The following RSPO3 variants were observed in gnomAD, a reference collection of about 807,000 sequenced individuals.
RSPO3 encodes the protein R-spondin 3.
A neutral mutation model predicts 36.5 loss-of-function variants in RSPO3; 17 were observed. The ratio of observed to expected loss-of-function variants is 0.47; its 90% CI spans 0.32 to 0.70. The LOEUF (loss-of-function observed/expected upper bound fraction) is 0.70, where lower values mean the gene tolerates loss of function less well. Among genes scored for constraint, RSPO3 ranks in the 30% least tolerant of loss-of-function variants. The pLI is 0.04. For missense variants in RSPO3, 294 were observed against 322.5 expected, an observed-to-expected ratio of 0.91 and a Z score of 0.68; for synonymous variants, 108 against 107.0, an observed-to-expected ratio of 1.01 and a Z score of -0.06.
intron 4 of RSPO3, among the ~76,000 whole-genome samples, chr6:127,172,657 A>G (rs1774963383): frequency 6.6e-6 from 1 of 151,840 alleles, no homozygotes; most frequent in African/African-American, 2.4e-5. Context: ...ATATTAACAT[A>G]GATTCTTTCT....
intron 1 of RSPO3, among the ~76,000 whole-genome samples, chr6:127,133,593 A>G (rs1305867406): frequency 2.0e-5 from 3 of 152,126 alleles, no homozygotes; most frequent in Non-Finnish European, 1.5e-5. Flanking sequence ...TCATTTTTGT[A>G]GCATGCTCTA....
At chr6:127,127,224 C>T (rs577979448) in intron 1 of RSPO3, among the ~76,000 whole-genome samples, 6 of 152,100 alleles carry the variant, frequency 3.9e-5, no homozygotes, top group East Asian at 1.9e-4. Flanking sequence ...AACATATGCT[C>T]GATAAGTTGG....
intron 1 of RSPO3, among the ~76,000 whole-genome samples, chr6:127,144,358 A>AT (rs1335055306): frequency 6.6e-6 from 1 of 152,094 alleles, no homozygotes; most frequent in Non-Finnish European, 1.5e-5. Context: ...AAAGATCTCT[A>AT]TTTTCACCTC....
chr6:127,125,006 T>G (rs990542811), intron 1 of RSPO3, among the ~76,000 whole-genome samples: 1 of 152,158 alleles, frequency 6.6e-6, no homozygotes, highest in Non-Finnish European at 1.5e-5. Flanking sequence ...TTGAACTGTT[T>G]GAATAATTTT....
At chr6:127,187,997 A>G (rs1197248780) in intron 4 of RSPO3, among the ~76,000 whole-genome samples, 1 of 152,090 alleles carries the variant, frequency 6.6e-6, no homozygotes, top group Admixed American at 6.6e-5. Flanking sequence ...AAGGCATCCT[A>G]GTATGCAATA....
intron 4 of RSPO3, among the ~76,000 whole-genome samples, chr6:127,164,552 G>T (rs1006211706): frequency 7.9e-5 from 12 of 151,656 alleles, no homozygotes; most frequent in Non-Finnish European, 1.8e-4. Context: ...TTTTTTGGGA[G>T]TAAACTGGCT....
At chr6:127,176,147 C>A (rs888201367) in intron 4 of RSPO3, among the ~76,000 whole-genome samples, 3 of 151,662 alleles carry the variant, frequency 2.0e-5, no homozygotes, top group Non-Finnish European at 4.4e-5. Context: ...TTGTCTTCAG[C>A]ATTTCATATT....
At chr6:127,155,109 C>T in intron 3 of RSPO3, 132 bp from the exon 4 acceptor site, 1 of 819,200 alleles carries the variant, frequency 1.2e-6, no homozygotes, top group Non-Finnish European at 2.0e-6. Flanking sequence ...TTTAAGTCAT[C>T]TTGCCCGACT....
intron 4 of RSPO3, among the ~76,000 whole-genome samples, chr6:127,170,130 G>A (rs1774906641): frequency 6.6e-6 from 1 of 151,750 alleles, no homozygotes; most frequent in South Asian, 2.1e-4. Context: ...AGGAAGAGGA[G>A]ACTTTTAGTG....
intron 1 of RSPO3, among the ~76,000 whole-genome samples, chr6:127,145,993 C>T (rs1582793918): frequency 6.6e-6 from 1 of 152,138 alleles, no homozygotes; most frequent in East Asian, 1.9e-4. Context: ...GTAATACTGA[C>T]TGTGTAATTT....
At chr6:127,155,623 G>C (rs964875697) in intron 4 of RSPO3, among the ~76,000 whole-genome samples, 185 bp downstream of exon 4, 2 of 152,070 alleles carry the variant, frequency 1.3e-5, no homozygotes, top group African/African-American at 4.8e-5. Flanking sequence ...TATGGAGCCT[G>C]ATGTCAGAAC....
At chr6:127,128,237 C>G (rs1464966886) in intron 1 of RSPO3, among the ~76,000 whole-genome samples, 1 of 151,970 alleles carries the variant, frequency 6.6e-6, no homozygotes, top group Non-Finnish European at 1.5e-5. Context: ...ATTTATATTA[C>G]TTTTACCATG....
chr6:127,127,475 A>G (rs1348716860), intron 1 of RSPO3, among the ~76,000 whole-genome samples: 2 of 152,168 alleles, frequency 1.3e-5, no homozygotes, highest in Non-Finnish European at 2.9e-5. Context: ...ATATGCATGT[A>G]TACTTACTAA....
At chr6:127,187,480 G>T (rs565380970) in intron 4 of RSPO3, among the ~76,000 whole-genome samples, 21 of 152,106 alleles carry the variant, frequency 1.4e-4, no homozygotes, top group Non-Finnish European at 1.8e-4. Flanking sequence ...GTGCTTAATA[G>T]ATGAAATTTG....
chr6:127,138,806 G>T (rs924370163), intron 1 of RSPO3, among the ~76,000 whole-genome samples: 6 of 152,080 alleles, frequency 3.9e-5, no homozygotes, highest in Admixed American at 1.3e-4. Context: ...AACACTGTGT[G>T]GATGTTGAAT....
chr6:127,191,273 T>C (rs1028143221), intron 4 of RSPO3, among the ~76,000 whole-genome samples: 1 of 152,180 alleles, frequency 6.6e-6, no homozygotes, highest in Non-Finnish European at 1.5e-5. Context: ...TTTGAGAGTA[T>C]ATATTTGAAG....
chr6:127,192,257 C>T (rs1775426374), intron 4 of RSPO3, among the ~76,000 whole-genome samples: 1 of 152,126 alleles, frequency 6.6e-6, no homozygotes, highest in Admixed American at 6.5e-5. Context: ...TTTTATCACA[C>T]ATTTTTGGCA....
chr6:127,134,312 G>T (rs931858630), intron 1 of RSPO3, among the ~76,000 whole-genome samples: 1 of 152,178 alleles, frequency 6.6e-6, no homozygotes, highest in African/African-American at 2.4e-5. Flanking sequence ...CCTTGTAATG[G>T]TGTGGCATAG....
chr6:127,172,557 C>G (rs1433017032), intron 4 of RSPO3, among the ~76,000 whole-genome samples: 5 of 151,654 alleles, frequency 3.3e-5, no homozygotes, highest in Non-Finnish European at 7.4e-5. Context: ...TACACTTGGA[C>G]TCAAAATCAC....
Sources: gnomAD v4.1 joint callset for allele counts (sites outside exome capture counted in the v4.1 genomes callset) on GRCh38, gnomAD v4.1.1 for gene constraint, MANE v1.5 for transcripts, NCBI Gene and HGNC (gene_info 2026-07-23, HGNC 2026-07-21) for gene names.